The following DGKB variants were observed in gnomAD, a reference collection of about 807,000 sequenced individuals.
DGKB encodes the protein diacylglycerol kinase beta, also known as 90 kDa diacylglycerol kinase.
DGKB carries 67 observed loss-of-function variants against 114.3 expected under a neutral mutation model. The observed-to-expected ratio is 0.59, with a 90% confidence interval of 0.48 to 0.72. The LOEUF is 0.72. Ranked by LOEUF, DGKB falls within the 30% of genes least tolerant of loss-of-function variation. DGKB has a pLI of 0.00. For synonymous variants in DGKB, 398 were observed against 323.1 expected (o/e 1.23, Z -2.49); for missense variants, 907 against 975.2 (o/e 0.93, Z 0.93).
chr7:14,932,380 G>C (rs1785065403), intron 1 of DGKB, among the ~76,000 whole-genome samples: 1 of 151,992 alleles, frequency 6.6e-6, no homozygotes, highest in Non-Finnish European at 1.5e-5. Flanking sequence ...CACTGTTTTG[G>C]TTCTTTTAAG....
chr7:14,891,335 T>C (rs1224217116), intron 1 of DGKB, among the ~76,000 whole-genome samples: 1 of 151,396 alleles, frequency 6.6e-6, no homozygotes, highest in Admixed American at 6.6e-5. Flanking sequence ...TCATCCCTAA[T>C]CAAGAAAGGG....
At position 14,846,055 on chromosome 7, in the gene DGKB, T is replaced by G. The variant is rs367685771; in HGVS notation, c.-187-4605A>C. Among the ~76,000 whole-genome samples the G allele has an allele frequency of 6.4e-4, 97 of 152,300 alleles. 1 individual carries two copies. The highest frequency in any genetic ancestry group is 2.1e-3 in the African/African-American group (87 of 41,554). On this transcript the variant is annotated intron_variant, in intron 1 of 25. Coordinates refer to ENST00000402815, the MANE Select transcript of DGKB (RefSeq NM_001350709.2). The stretch of plus-strand genomic sequence containing the variant: ...TATCAATATCTAACAAAAACACCAC[T>G]TAACTTTCTTTGATTTAGCATGACC...
intron 20 of DGKB, among the ~76,000 whole-genome samples, chr7:14,523,711 A>G (rs1790164789): frequency 6.6e-6 from 1 of 152,160 alleles, no homozygotes; most frequent in African/African-American, 2.4e-5. Flanking sequence ...ATCTGTAAAC[A>G]ATAATGAGGT....
At chr7:14,503,778 T>C (rs576834686) in intron 20 of DGKB, among the ~76,000 whole-genome samples, 2 of 152,208 alleles carry the variant, frequency 1.3e-5, no homozygotes, top group Admixed American at 6.5e-5. Context: ...CAATTTCCTA[T>C]AGTAATGTAA....
chr7:14,710,131 C>T (rs934042762), intron 6 of DGKB, among the ~76,000 whole-genome samples: 1 of 151,974 alleles, frequency 6.6e-6, no homozygotes, highest in South Asian at 2.1e-4. Context: ...CTTTAAAATG[C>T]TGAGTCTTGA....
chr7:14,777,473 T>C (rs954470972), intron 2 of DGKB, among the ~76,000 whole-genome samples: 1 of 152,142 alleles, frequency 6.6e-6, no homozygotes, highest in African/African-American at 2.4e-5. Context: ...AACTGAATCA[T>C]GGTGGCAGGT....
chr7:14,736,951 G>A (rs898557461), intron 4 of DGKB, among the ~76,000 whole-genome samples: 1 of 152,290 alleles, frequency 6.6e-6, no homozygotes, highest in Admixed American at 6.5e-5. Context: ...GTTTCTCCTT[G>A]CAGATGAAGG....
chr7:14,249,980 A>C (rs1050276744), intron 23 of DGKB, among the ~76,000 whole-genome samples: 7 of 151,188 alleles, frequency 4.6e-5, no homozygotes, highest in Non-Finnish European at 5.9e-5. Flanking sequence ...TTGTTGAGAG[A>C]GTCTTGTTAC....
At chr7:14,926,147 A>T (rs1369955622) in intron 1 of DGKB, among the ~76,000 whole-genome samples, 1 of 152,030 alleles carries the variant, frequency 6.6e-6, no homozygotes, top group African/African-American at 2.4e-5. Context: ...TAATATAATC[A>T]TGATTTTTCT....
chr7:14,440,383 T>C (rs1033589197), intron 21 of DGKB, among the ~76,000 whole-genome samples: 1 of 152,112 alleles, frequency 6.6e-6, no homozygotes, highest in African/African-American at 2.4e-5. Flanking sequence ...CCCTCACTCA[T>C]GTAGCCTCCA....
chr7:14,913,535 A>G (rs759497387), intron 1 of DGKB, among the ~76,000 whole-genome samples: 5 of 151,072 alleles, frequency 3.3e-5, no homozygotes, highest in Non-Finnish European at 7.4e-5. Context: ...TTTCTCTGAC[A>G]TTAAGGACCT....
At chr7:14,160,877 G>A (rs1222690291) in intron 25 of DGKB, among the ~76,000 whole-genome samples, 1 of 151,970 alleles carries the variant, frequency 6.6e-6, no homozygotes, top group Non-Finnish European at 1.5e-5. Flanking sequence ...AATACTACAA[G>A]GCTACAGTAA....
chr7:14,560,045 T>C (rs1796432047), intron 20 of DGKB, among the ~76,000 whole-genome samples: 1 of 135,118 alleles, frequency 7.4e-6, no homozygotes, highest in South Asian at 2.7e-4. Context: ...TCTGCCCATT[T>C]TGTAACTAGG....
rs1172436197 is a variant in DGKB, at chr7:14,616,556, G to C, written c.1285-3143C>G. On this transcript the variant is annotated intron_variant, in intron 15 of 25. Transcript: ENST00000402815. The stretch of plus-strand genomic sequence containing the variant: ...GATTTTGGTGGAGTAGGAGGTGAAA[G>C]ATAAAAACACAACTATGTCAAAAAT... 4.6e-5 allele frequency among the ~76,000 whole-genome samples: 7 copies of C among 151,810 alleles called. No homozygotes were observed. In the East Asian group the frequency reaches 1.4e-3, roughly 29 times the overall value.
rs186626168 is a variant in DGKB, at chr7:14,592,961, G to A, written c.1434-9824C>T. On this transcript the variant is annotated intron_variant, in intron 17 of 25. Transcript: ENST00000402815. ...GTTTAGAGTTTTGAGATATTGTGTG[G>A]AAGCTGAATTTACACTGTTTTGGGA... Among the ~76,000 whole-genome samples, 646 of 152,020 alleles carry A rather than the reference G, an allele frequency of 4.2e-3. 5 individuals carry two copies. Among genetic ancestry groups the A allele is most frequent in the Middle Eastern group, 0.017 (5 of 294 alleles).
chr7:14,270,288 A>C (rs748387404), intron 23 of DGKB, among the ~76,000 whole-genome samples: 2 of 152,092 alleles, frequency 1.3e-5, no homozygotes, highest in Non-Finnish European at 2.9e-5. Context: ...TCTCCTAACC[A>C]ATTTCCTCTG....
chr7:14,641,729 G>A lies in DGKB; in HGVS notation c.1135-11461C>T, dbSNP rs966664381. ...TTCTATCACATCTTTACAACTTTTA[G>A]AGCCATATTATTTTGATCACTGAAA... On this transcript the variant is annotated intron_variant, in intron 13 of 25. Transcript: ENST00000402815. 6.6e-5 allele frequency among the ~76,000 whole-genome samples: 10 copies of A among 152,018 alleles called. No individual in the cohort carries two copies. In the South Asian group the frequency reaches 1.0e-3, roughly 16 times the overall value.
intron 19 of DGKB, among the ~76,000 whole-genome samples, chr7:14,575,651 C>T (rs976934095): frequency 6.6e-6 from 1 of 152,128 alleles, no homozygotes; most frequent in Non-Finnish European, 1.5e-5. Context: ...GATGATGATA[C>T]CATCAGAATT....
At chr7:14,347,911 A>G (rs1812751933) in intron 21 of DGKB, among the ~76,000 whole-genome samples, 2 of 152,070 alleles carry the variant, frequency 1.3e-5, no homozygotes, top group Non-Finnish European at 2.9e-5. Flanking sequence ...TGTAAATTAT[A>G]CCTTAATAAA....
Sources: allele counts gnomAD v4.1 joint callset (sites outside exome capture counted in the v4.1 genomes callset), GRCh38; gene constraint gnomAD v4.1.1; transcripts MANE v1.5; gene names NCBI Gene and HGNC (gene_info 2026-07-23, HGNC 2026-07-21).